Variants in ZFAT observed in about 807,000 individuals in gnomAD.
ZFAT encodes zinc finger protein ZFAT.
Under a neutral mutation model 117.7 loss-of-function variants are expected in ZFAT, and 64 were observed. That is an observed-to-expected ratio of 0.54 (90% confidence interval 0.44 to 0.67). The LOEUF is 0.67. Among genes scored for constraint, ZFAT ranks in the 30% least tolerant of loss-of-function variants. The pLI, the probability that ZFAT is intolerant of heterozygous loss-of-function variation, is 0.00. For synonymous variants in ZFAT, 679 were observed against 615.0 expected (o/e 1.10, Z -1.54); for missense variants, 1,433 against 1,584.5 (o/e 0.90, Z 1.62).
the ZFAT span, among the ~76,000 whole-genome samples, chr8:134,799,521 T>C: frequency 6.6e-6 from 1 of 152,194 alleles, no homozygotes; most frequent in Admixed American, 6.5e-5. Context: ...AGTACATATA[T>C]AGAACTAATT....
intron 1 of ZFAT, among the ~76,000 whole-genome samples, chr8:134,686,993 G>A (rs765858494): frequency 2.6e-5 from 4 of 152,214 alleles, no homozygotes; most frequent in Non-Finnish European, 5.9e-5. Flanking sequence ...CAGAGAGACA[G>A]AGACAGCATC....
intron 14 of ZFAT, among the ~76,000 whole-genome samples, chr8:134,512,082 C>T (rs761315463): frequency 1.3e-5 from 2 of 152,198 alleles, no homozygotes; most frequent in Non-Finnish European, 2.9e-5. Context: ...AGCTCCAACA[C>T]CCTAAAGTGG....
chr8:134,700,621 C>T (rs1833984700), intron 1 of ZFAT, among the ~76,000 whole-genome samples: 1 of 152,202 alleles, frequency 6.6e-6, no homozygotes, highest in Admixed American at 6.5e-5. Flanking sequence ...CTGTGATTAC[C>T]CCACCTCAGA....
chr8:134,542,016 G>T (rs1470804156), intron 11 of ZFAT, among the ~76,000 whole-genome samples: 1 of 152,144 alleles, frequency 6.6e-6, no homozygotes, highest in African/African-American at 2.4e-5. Context: ...GACCTTGAAG[G>T]CCAGGCCAGC....
chr8:134,793,051 T>C, the ZFAT span: 2 of 152,178 alleles, frequency 1.3e-5, no homozygotes, highest in Non-Finnish European at 2.9e-5. Flanking sequence ...TGTGGCCAGA[T>C]TTTTTAGAAG....
At chr8:134,758,756 T>C in the ZFAT span, among the ~76,000 whole-genome samples, 1 of 152,234 alleles carries the variant, frequency 6.6e-6, no homozygotes, top group African/African-American at 2.4e-5. Context: ...CTTTGTTGCA[T>C]GGGAGTGCTG....
chr8:134,680,266 A>T (rs1833012441), intron 1 of ZFAT, among the ~76,000 whole-genome samples: 6 of 151,224 alleles, frequency 4.0e-5, no homozygotes, highest in Admixed American at 4.0e-4. Context: ...CCCCTCAAAA[A>T]AAAAAAAAAA....
intron 15 of ZFAT, among the ~76,000 whole-genome samples, chr8:134,499,919 G>C (rs3889458): frequency 0.14 from 20,934 of 152,252 alleles, 1,856 homozygotes; most frequent in Non-Finnish European, 0.19. Context: ...ATGGATAGGA[G>C]GAGTAGGAAG....
At chr8:134,589,769 G>C (rs1826324689) in intron 8 of ZFAT, among the ~76,000 whole-genome samples, 1 of 152,242 alleles carries the variant, frequency 6.6e-6, no homozygotes, top group Non-Finnish European at 1.5e-5. Context: ...AGGGCAGAAG[G>C]GAAAATGTTC....
At chr8:134,685,172 C>A (rs779660838) in intron 1 of ZFAT, among the ~76,000 whole-genome samples, 2 of 152,134 alleles carry the variant, frequency 1.3e-5, no homozygotes, top group African/African-American at 4.8e-5. Flanking sequence ...CCACCACCAC[C>A]GTCACCATCC....
At chr8:134,659,162 G>A (rs1435540806) in intron 1 of ZFAT, among the ~76,000 whole-genome samples, 1 of 152,172 alleles carries the variant, frequency 6.6e-6, no homozygotes, top group African/African-American at 2.4e-5. Context: ...TGCGCTCTCT[G>A]GTGATGGTGA....
At chr8:134,627,252 T>C (rs1247808771) in intron 3 of ZFAT, among the ~76,000 whole-genome samples, 2 of 152,148 alleles carry the variant, frequency 1.3e-5, no homozygotes, top group Non-Finnish European at 2.9e-5. Context: ...TGAAGACTGT[T>C]GCAAAACTGT....
At chr8:134,799,318 G>GAC in the ZFAT span, among the ~76,000 whole-genome samples, 2 of 152,242 alleles carry the variant, frequency 1.3e-5, no homozygotes, top group South Asian at 4.1e-4. Context: ...AAGCTGCTAG[G>GAC]ATGTGTGTAC....
chr8:134,767,083 T>G, the ZFAT span: 4 of 152,240 alleles, frequency 2.6e-5, no homozygotes, highest in Non-Finnish European at 5.9e-5. Context: ...ATGTCAGGTT[T>G]CATTTCATTC....
At chr8:134,781,942 A>G in the ZFAT span, among the ~76,000 whole-genome samples, 1 of 152,204 alleles carries the variant, frequency 6.6e-6, no homozygotes, top group East Asian at 1.9e-4. Flanking sequence ...GTGTTAATAG[A>G]CTATTTGTTA....
rs377658545 is a variant in ZFAT, at chr8:134,602,420, G to A, written c.1299C>T (p.Ala433=). 2.5e-6 allele frequency: 4 copies of A among 1,613,882 alleles called. No homozygotes were observed. Among genetic ancestry groups the A allele is most frequent in the Non-Finnish European group, 3.4e-6 (4 of 1,180,058 alleles). ...MLVHGDKWPF[A]CELCGHGATK... is the part of the protein sequence containing the mutation. ...TGGCCCCATGGCCACAGAGCTCACA[G>A]GCAAAAGGCCACTTGTCTCCGTGGA... is the stretch of plus-strand genomic sequence containing the variant. The change falls in exon 6 of 16, where the codon GCC becomes GCT. Residue 433 remains alanine, a synonymous_variant. Transcript: ENST00000377838.
the ZFAT span, among the ~76,000 whole-genome samples, chr8:134,790,080 T>G: frequency 3.3e-5 from 5 of 152,206 alleles, no homozygotes; most frequent in African/African-American, 1.2e-4. Context: ...ATGGTAGAAA[T>G]TTTTATTAGT....
chr8:134,707,966 A>AT (rs1359061943), intron 1 of ZFAT, among the ~76,000 whole-genome samples: 1 of 152,218 alleles, frequency 6.6e-6, no homozygotes, highest in Non-Finnish European at 1.5e-5. Context: ...CACATGAATG[A>AT]TTTTTTTAAT....
intron 11 of ZFAT, among the ~76,000 whole-genome samples, chr8:134,539,909 G>A (rs146906121): frequency 6.4e-4 from 98 of 152,236 alleles, no homozygotes; most frequent in Middle Eastern, 6.8e-3. Context: ...AGTTACCCTG[G>A]CCAAGTCATT....
Sources: gnomAD v4.1 joint callset for allele counts (sites outside exome capture counted in the v4.1 genomes callset) on GRCh38, gnomAD v4.1.1 for gene constraint, MANE v1.5 for transcripts, NCBI Gene and HGNC (gene_info 2026-07-23, HGNC 2026-07-21) for gene names.